LSAMP: variants seen among roughly 807,000 people sequenced by gnomAD.
LSAMP encodes the protein limbic system-associated membrane protein.
Under a neutral mutation model 38.6 loss-of-function variants are expected in LSAMP, and 7 were observed. That is an observed-to-expected ratio of 0.18 (90% CI 0.10 to 0.34). The LOEUF is 0.34. Among genes scored for constraint, LSAMP ranks in the 10% least tolerant of loss-of-function variants. The probability of loss-of-function intolerance (pLI) is 1.00; values close to 1 mark genes in which losing one functional copy is unlikely to be tolerated. For synonymous variants in LSAMP, 154 were observed against 166.8 expected (o/e 0.92, Z 0.59); for missense variants, 313 against 420.0 (o/e 0.75, Z 2.23).
intron 3 of LSAMP, among the ~76,000 whole-genome samples, chr3:115,893,486 A>G (rs1003045938): frequency 4.6e-5 from 7 of 152,132 alleles, no homozygotes; most frequent in African/African-American, 1.7e-4. Context: ...TTTTTCCCCA[A>G]ATTGATGACA....
chr3:115,995,231 A>G (rs1267667311), intron 3 of LSAMP, among the ~76,000 whole-genome samples: 3 of 152,238 alleles, frequency 2.0e-5, no homozygotes, highest in Middle Eastern at 3.4e-3. Flanking sequence ...GTCAGTAGCC[A>G]GGTAATTAAG....
chr3:115,936,956 TA>T (rs1937723818), intron 3 of LSAMP, among the ~76,000 whole-genome samples: 1 of 152,136 alleles, frequency 6.6e-6, no homozygotes, highest in Non-Finnish European at 1.5e-5. Context: ...TAAGCTATAT[TA>T]AATATTTTAA....
chr3:116,073,265 G>A (rs1707656482), intron 2 of LSAMP, among the ~76,000 whole-genome samples: 1 of 152,122 alleles, frequency 6.6e-6, no homozygotes, highest in South Asian at 2.1e-4. Flanking sequence ...ATTGGTCTAT[G>A]TGTCTGTTTT....
At chr3:116,044,179 C>G (rs6803831) in intron 2 of LSAMP, among the ~76,000 whole-genome samples, 14,031 of 152,064 alleles carry the variant, frequency 0.092, 2,051 homozygotes, top group African/African-American at 0.31. Flanking sequence ...GTTGAGTACA[C>G]AGAGAAAGGC....
At chr3:115,872,014 A>G (rs1333783224) in intron 3 of LSAMP, among the ~76,000 whole-genome samples, 1 of 152,126 alleles carries the variant, frequency 6.6e-6, no homozygotes, top group Non-Finnish European at 1.5e-5. Flanking sequence ...AGAGAATTAA[A>G]ATATTCATGT....
At chr3:116,278,376 G>C (rs1048337731) in intron 1 of LSAMP, among the ~76,000 whole-genome samples, 2 of 151,702 alleles carry the variant, frequency 1.3e-5, no homozygotes, top group Admixed American at 6.6e-5. Context: ...GAAACTATTA[G>C]CTGATTTTTT....
intron 1 of LSAMP, among the ~76,000 whole-genome samples, chr3:116,216,715 A>T (rs1282159913): frequency 1.3e-5 from 2 of 152,224 alleles, no homozygotes; most frequent in African/African-American, 4.8e-5. Flanking sequence ...AATAATTATG[A>T]GTTTAAAACA....
chr3:116,019,030 C>T (rs181659115), intron 3 of LSAMP, among the ~76,000 whole-genome samples: 22 of 152,094 alleles, frequency 1.4e-4, no homozygotes, highest in African/African-American at 4.8e-4. Context: ...AGCAAACAAA[C>T]ATACAAACAA....
chr3:115,975,627 C>G (rs1352891465), intron 3 of LSAMP, among the ~76,000 whole-genome samples: 1 of 152,200 alleles, frequency 6.6e-6, no homozygotes, highest in Non-Finnish European at 1.5e-5. Flanking sequence ...ACTCTCCTGA[C>G]TCCTGTACTT....
At chr3:116,153,295 G>A (rs1709653747) in intron 1 of LSAMP, among the ~76,000 whole-genome samples, 1 of 152,098 alleles carries the variant, frequency 6.6e-6, no homozygotes, top group Non-Finnish European at 1.5e-5. Context: ...GGATTTCTCA[G>A]ACTACACCTA....
At chr3:116,221,900 C>G (rs12695323) in intron 1 of LSAMP, among the ~76,000 whole-genome samples, 2 of 150,990 alleles carry the variant, frequency 1.3e-5, no homozygotes, top group East Asian at 2.0e-4. Context: ...GGCAAACACA[C>G]TGTCCTGATC....
At chr3:116,009,247 T>C (rs912533883) in intron 3 of LSAMP, among the ~76,000 whole-genome samples, 1 of 152,156 alleles carries the variant, frequency 6.6e-6, no homozygotes, top group Non-Finnish European at 1.5e-5. Flanking sequence ...TGGATGATGC[T>C]CAAACTGTGG....
intron 3 of LSAMP, among the ~76,000 whole-genome samples, chr3:115,988,228 A>G (rs1307559404): frequency 6.6e-6 from 1 of 152,182 alleles, no homozygotes; most frequent in Non-Finnish European, 1.5e-5. Flanking sequence ...AGAACATTAT[A>G]TAAGTGATGT....
chr3:116,120,942 G>C (rs570434726), intron 1 of LSAMP, among the ~76,000 whole-genome samples: 1 of 152,226 alleles, frequency 6.6e-6, no homozygotes, highest in South Asian at 2.1e-4. Flanking sequence ...CTCATCAAGT[G>C]ACCTTCTGAT....
At chr3:115,934,374 A>C (rs1339620658) in intron 3 of LSAMP, among the ~76,000 whole-genome samples, 1 of 151,748 alleles carries the variant, frequency 6.6e-6, no homozygotes, top group African/African-American at 2.4e-5. Flanking sequence ...GATGGATTTC[A>C]CTACGTTGGC....
At chr3:116,083,328 A>G (rs902627710) in intron 2 of LSAMP, among the ~76,000 whole-genome samples, 2 of 152,242 alleles carry the variant, frequency 1.3e-5, no homozygotes, top group Non-Finnish European at 2.9e-5. Context: ...ATCTCCAGAC[A>G]CTGGACTAGA....
At chr3:115,817,469 A>G (rs568370175) in intron 6 of LSAMP, among the ~76,000 whole-genome samples, 1 of 152,222 alleles carries the variant, frequency 6.6e-6, no homozygotes, top group Non-Finnish European at 1.5e-5. Flanking sequence ...TAATTTATAA[A>G]TAAGTCTCAG....
chr3:115,991,447 T>C (rs1939664566), intron 3 of LSAMP, among the ~76,000 whole-genome samples: 1 of 152,232 alleles, frequency 6.6e-6, no homozygotes, highest in Admixed American at 6.6e-5. Flanking sequence ...TGCATGCCTG[T>C]GGACACACAC....
chr3:115,883,806 T>C (rs1936382559), intron 3 of LSAMP, among the ~76,000 whole-genome samples: 1 of 151,996 alleles, frequency 6.6e-6, no homozygotes, highest in Admixed American at 6.6e-5. Flanking sequence ...TGAATCAGGA[T>C]TTGGCACAGA....
Sources: gnomAD v4.1 joint callset for allele counts (sites outside exome capture counted in the v4.1 genomes callset) on GRCh38, gnomAD v4.1.1 for gene constraint, MANE v1.5 for transcripts, NCBI Gene and HGNC (gene_info 2026-07-23, HGNC 2026-07-21) for gene names.